PEX5L: variants seen among roughly 807,000 people sequenced by gnomAD.
PEX5L encodes PEX5-related protein.
Under a neutral mutation model 84.0 loss-of-function variants are expected in PEX5L, and 30 were observed. That is an observed-to-expected ratio of 0.36 (90% CI 0.27 to 0.48). PEX5L has a LOEUF of 0.48. Among genes scored for constraint, PEX5L ranks in the 20% least tolerant of loss-of-function variants. The pLI is 0.99. For synonymous variants in PEX5L, 270 were observed against 283.1 expected (o/e 0.95, Z 0.46); for missense variants, 533 against 754.6 (o/e 0.71, Z 3.44).
rs1717991851 is a variant in PEX5L at position 179,798,846 on chromosome 3, T to TATG, written c.*2979_*2981dup. Reference sequence around the variant, plus strand: ...TCTAAGAAACAAAACATTTACTGTATATGATTTATACAAAAAGACTGTTCT... The same window carrying TATG: ...TCTAAGAAACAAAACATTTACTGTATATGATGATTTATACAAAAAGACTGTTCT... On this transcript the variant is annotated 3_prime_UTR_variant, in exon 15 of 15. Transcript: ENST00000467460. 1 of 152,202 alleles carries TATG rather than the reference T, an allele frequency of 6.6e-6. No individual in the cohort carries two copies. The highest frequency in any genetic ancestry group is 1.5e-5 in the Non-Finnish European group (1 of 68,030). The allele number at this position is 152,202 out of a possible 1,614,324, so 9.4% of individuals were successfully genotyped here. A position where few individuals can be genotyped will look rare whatever the true frequency, so the allele number is the denominator to read the frequency against.
intron 1 of PEX5L, among the ~76,000 whole-genome samples, chr3:179,982,645 A>G (rs948951533): frequency 6.6e-5 from 10 of 152,184 alleles, no homozygotes; most frequent in Non-Finnish European, 4.4e-5. Context: ...ATCTCTGATT[A>G]ATATCCCACA....
At chr3:180,006,213 GTTAA>G (rs1326394045) in intron 1 of PEX5L, among the ~76,000 whole-genome samples, 2 of 152,064 alleles carry the variant, frequency 1.3e-5, no homozygotes, top group African/African-American at 2.4e-5. Context: ...CTATGACATT[GTTAA>G]TTAATTGCTT....
chr3:179,802,808 T>G (rs1310578586), intron 14 of PEX5L, among the ~76,000 whole-genome samples: 1 of 151,942 alleles, frequency 6.6e-6, no homozygotes, highest in Admixed American at 6.6e-5. Flanking sequence ...TAGATTGAGT[T>G]TATTACTGGG....
At chr3:179,865,379 C>T (rs75711833) in intron 7 of PEX5L, among the ~76,000 whole-genome samples, 3,303 of 152,082 alleles carry the variant, frequency 0.022, 71 homozygotes, top group East Asian at 0.077. Flanking sequence ...TTTCGAATAG[C>T]GATTAGTATG....
intron 2 of PEX5L, among the ~76,000 whole-genome samples, chr3:179,922,479 T>C (rs1445824975): frequency 6.6e-6 from 1 of 150,766 alleles, no homozygotes. Context: ...GAAGGAGTCT[T>C]GCTCTGTTGC....
At chr3:179,916,512 G>C (rs1308595897) in intron 2 of PEX5L, among the ~76,000 whole-genome samples, 1 of 152,180 alleles carries the variant, frequency 6.6e-6, no homozygotes, top group Admixed American at 6.5e-5. Context: ...GAGTCAATGA[G>C]TCTGAAGGCC....
chr3:179,989,227 G>A (rs1787158022), intron 1 of PEX5L, among the ~76,000 whole-genome samples: 1 of 152,198 alleles, frequency 6.6e-6, no homozygotes, highest in Non-Finnish European at 1.5e-5. Context: ...AAGTTTAGAT[G>A]CTTCGTAGAA....
At chr3:179,802,959 A>G (rs1331402280) in intron 14 of PEX5L, among the ~76,000 whole-genome samples, 17 of 152,242 alleles carry the variant, frequency 1.1e-4, no homozygotes, top group Admixed American at 1.1e-3. Flanking sequence ...ATCAATCTAC[A>G]TGAAAGCTCT....
intron 2 of PEX5L, among the ~76,000 whole-genome samples, chr3:179,924,304 C>A (rs1305869234): frequency 6.6e-6 from 1 of 152,114 alleles, no homozygotes; most frequent in Non-Finnish European, 1.5e-5. Flanking sequence ...TATGGGCATG[C>A]CATTACTCCC....
intron 8 of PEX5L, among the ~76,000 whole-genome samples, chr3:179,851,853 A>G (rs899081914): frequency 6.6e-6 from 1 of 152,220 alleles, no homozygotes; most frequent in Non-Finnish European, 1.5e-5. Flanking sequence ...ATCAGAGAGG[A>G]CAAGCTTAGA....
chr3:179,849,015 G>T (rs913544500), intron 8 of PEX5L, among the ~76,000 whole-genome samples: 1 of 152,158 alleles, frequency 6.6e-6, no homozygotes, highest in African/African-American at 2.4e-5. Flanking sequence ...GGGGACCCTG[G>T]ATAATGGCAT....
At chr3:180,016,271 A>C (rs183230986) in intron 1 of PEX5L, among the ~76,000 whole-genome samples, 77 of 152,330 alleles carry the variant, frequency 5.1e-4, no homozygotes, top group South Asian at 1.0e-3. Context: ...AAGTTTTATT[A>C]AATCCTTACT....
rs775037460 is a variant in PEX5L, at chr3:179,835,783, C to T, written c.823-15807G>A. ...GAGCCCATTAACTGTCCAGATGGCC[C>T]GGAATGGGATTAAAGCAGATTTAAA... On this transcript the variant is annotated intron_variant, in intron 8 of 14. Coordinates refer to ENST00000467460, the MANE Select transcript of PEX5L (RefSeq NM_016559.3). 1.4e-4 allele frequency among the ~76,000 whole-genome samples: 21 copies of T among 151,992 alleles called. 1 individual carries two copies. Among genetic ancestry groups the T allele is most frequent in the South Asian group, 4.2e-4 (2 of 4,818 alleles).
chr3:179,947,745 C>T lies in PEX5L; in HGVS notation c.93+23849G>A, dbSNP rs373826051. Among the ~76,000 whole-genome samples, 9 of 136,020 alleles carry T rather than the reference C, an allele frequency of 6.6e-5. No individual in the cohort carries two copies. In the East Asian group the frequency reaches 1.5e-3, roughly 23 times the overall value. 89.2% of individuals were successfully genotyped at this position (136,020 alleles called of 152,430 possible). On this transcript the variant is annotated intron_variant, in intron 2 of 14. Transcript: ENST00000467460. ...TTTTTGAGACGGAGTCTCACTCTGT[C>T]GCCTAGGCTGGAGTGCAGTGGCATG...
chr3:179,914,632 TC>T (rs1766378922), intron 2 of PEX5L, among the ~76,000 whole-genome samples: 1 of 152,240 alleles, frequency 6.6e-6, no homozygotes, highest in Non-Finnish European at 1.5e-5. Flanking sequence ...TGCCTAAGAC[TC>T]TTTGAGGTTT....
intron 14 of PEX5L, chr3:179,804,238 T>C (rs1330542738): frequency 6.6e-6 from 1 of 152,058 alleles, no homozygotes; most frequent in Non-Finnish European, 1.5e-5. Context: ...CAGAGTCCTG[T>C]TGGGGGACTC....
intron 2 of PEX5L, chr3:179,902,643 A>C: frequency 2.2e-6 from 1 of 456,286 alleles, no homozygotes. Context: ...AAATGCCATT[A>C]AATGCCACTT....
intron 2 of PEX5L, among the ~76,000 whole-genome samples, chr3:179,908,297 G>A (rs760235024): frequency 2.0e-5 from 3 of 152,142 alleles, no homozygotes; most frequent in Non-Finnish European, 4.4e-5. Flanking sequence ...GGTGGTCAAG[G>A]TGATTACCAG....
At chr3:179,918,236 A>C (rs1352456775) in intron 2 of PEX5L, among the ~76,000 whole-genome samples, 1 of 152,124 alleles carries the variant, frequency 6.6e-6, no homozygotes, top group Non-Finnish European at 1.5e-5. Context: ...TACTATCGCT[A>C]GGTTCTACTT....
Sources: allele counts gnomAD v4.1 joint callset (sites outside exome capture counted in the v4.1 genomes callset), GRCh38; gene constraint gnomAD v4.1.1; transcripts MANE v1.5; gene names NCBI Gene and HGNC (gene_info 2026-07-23, HGNC 2026-07-21).